The following MAN1A1 variants were observed in gnomAD, a reference collection of about 807,000 sequenced individuals.
MAN1A1 encodes mannosyl-oligosaccharide 1,2-alpha-mannosidase IA.
Under a neutral mutation model 70.8 loss-of-function variants are expected in MAN1A1, and 29 were observed. The observed-to-expected ratio is 0.41, with a 90% confidence interval of 0.31 to 0.56. The LOEUF (loss-of-function observed/expected upper bound fraction) is 0.56. Ranked by LOEUF, MAN1A1 falls within the 20% of genes least tolerant of loss-of-function variation. MAN1A1 has a pLI of 0.29. For synonymous variants in MAN1A1, 349 were observed against 330.1 expected (o/e 1.06, Z -0.62); for missense variants, 747 against 841.3 (o/e 0.89, Z 1.39).
chr6:119,195,370 C>A (rs1773541083), intron 8 of MAN1A1, among the ~76,000 whole-genome samples: 1 of 152,174 alleles, frequency 6.6e-6, no homozygotes, highest in South Asian at 2.1e-4. Flanking sequence ...TCATCTCAGG[C>A]AGGGCTTCTA....
chr6:119,314,230 A>G (rs906995014), intron 2 of MAN1A1, among the ~76,000 whole-genome samples: 2 of 152,226 alleles, frequency 1.3e-5, no homozygotes, highest in Non-Finnish European at 2.9e-5. Flanking sequence ...CAAATTAGCA[A>G]AAGTCTTTGA....
At chr6:119,341,507 G>T (rs972022185) in intron 2 of MAN1A1, among the ~76,000 whole-genome samples, 5 of 152,158 alleles carry the variant, frequency 3.3e-5, no homozygotes, top group Non-Finnish European at 5.9e-5. Flanking sequence ...ATCTCAGGAA[G>T]TCACAGCTCA....
chr6:119,249,797 T>G (rs1056600895), intron 5 of MAN1A1, among the ~76,000 whole-genome samples: 1 of 152,146 alleles, frequency 6.6e-6, no homozygotes, highest in African/African-American at 2.4e-5. Context: ...CCCTATCTTT[T>G]GGAATCTTAA....
In MAN1A1 at chr6:119,336,877, C is replaced by G. The variant is rs375971909; in HGVS notation, c.603+11586G>C. ...TTGAAATACAAGAAAAATGGCAACCCTTATTAAATACTGTCCAGTATTCTA... is the reference window on the plus strand; with the variant it reads ...TTGAAATACAAGAAAAATGGCAACCGTTATTAAATACTGTCCAGTATTCTA... On this transcript the variant is annotated intron_variant, in intron 2 of 12. Coordinates refer to ENST00000368468, the MANE Select transcript of MAN1A1 (RefSeq NM_005907.4). Among the ~76,000 whole-genome samples, 29 of 152,150 alleles carry G rather than the reference C, an allele frequency of 1.9e-4. No homozygotes were observed. In the East Asian group the frequency reaches 5.2e-3, roughly 27 times the overall value.
chr6:119,193,662 T>A, intron 9 of MAN1A1, 115 bp downstream of exon 9: 1 of 595,850 alleles, frequency 1.7e-6, no homozygotes, highest in Admixed American at 3.3e-5. Flanking sequence ...CTCTACCTAA[T>A]TGGAAATACT....
intron 6 of MAN1A1, among the ~76,000 whole-genome samples, chr6:119,218,946 G>A (rs1427733088): frequency 6.6e-6 from 1 of 152,152 alleles, no homozygotes; most frequent in African/African-American, 2.4e-5. Context: ...TATTAGAAAT[G>A]CTTTGATCTT....
chr6:119,278,943 TGCA>T (rs142753790), intron 5 of MAN1A1, among the ~76,000 whole-genome samples: 2,227 of 152,234 alleles, frequency 0.015, 35 homozygotes, highest in African/African-American at 0.037. Flanking sequence ...TTATACAGAC[TGCA>T]GAACCGTGAG....
At chr6:119,181,697 CTTTCT>C (rs1449221001) in intron 11 of MAN1A1, among the ~76,000 whole-genome samples, 3 of 152,032 alleles carry the variant, frequency 2.0e-5, no homozygotes, top group East Asian at 1.9e-4. Flanking sequence ...AGCCCACTTT[CTTTCT>C]TTTGTTTGTT....
At chr6:119,343,623 G>A (rs957851124) in intron 2 of MAN1A1, among the ~76,000 whole-genome samples, 1 of 152,142 alleles carries the variant, frequency 6.6e-6, no homozygotes, top group Non-Finnish European at 1.5e-5. Flanking sequence ...AGAATACTGA[G>A]GGAAAAGTCA....
intron 6 of MAN1A1, among the ~76,000 whole-genome samples, chr6:119,235,366 T>C (rs1774813054): frequency 2.0e-5 from 3 of 152,340 alleles, no homozygotes; most frequent in South Asian, 4.2e-4. Context: ...AACAGCCTTA[T>C]GGCTATATGG....
Position 119,180,598 on chromosome 6 carries a change from T to C in MAN1A1, c.1720-171A>G, listed in dbSNP as rs76696381. On this transcript the variant is annotated intron_variant, in intron 11 of 12. Transcript: ENST00000368468. ...CACCATCATGGGTCACTGCAGCTTC[T>C]ACCTCTTGGGCTCAGGTGATTCTCC... is the stretch of plus-strand genomic sequence containing the variant. 2.4e-3 allele frequency among the ~76,000 whole-genome samples: 360 copies of C among 152,122 alleles called. 1 individual carries two copies. The highest frequency in any genetic ancestry group is 3.1e-3 in the Non-Finnish European group (213 of 67,974).
At chr6:119,239,931 C>G (rs1774957316) in intron 6 of MAN1A1, among the ~76,000 whole-genome samples, 2 of 152,292 alleles carry the variant, frequency 1.3e-5, no homozygotes, top group South Asian at 4.1e-4. Flanking sequence ...ACAGAGTGAA[C>G]AAAGCTGAAT....
chr6:119,271,951 T>C (rs1321722523), intron 5 of MAN1A1, among the ~76,000 whole-genome samples: 2 of 152,172 alleles, frequency 1.3e-5, no homozygotes, highest in Non-Finnish European at 2.9e-5. Flanking sequence ...ATCCTATTAC[T>C]GGAAGGAGAA....
At chr6:119,269,576 G>A (rs1775858352) in intron 5 of MAN1A1, 1 of 189,966 alleles carries the variant, frequency 5.3e-6, no homozygotes. Flanking sequence ...CTGTTTCTGT[G>A]GAAAGTGCCA....
At chr6:119,293,346 T>C (rs925724734) in intron 4 of MAN1A1, among the ~76,000 whole-genome samples, 24 of 152,116 alleles carry the variant, frequency 1.6e-4, no homozygotes, top group African/African-American at 5.8e-4. Context: ...TCTTGTACTG[T>C]ACGATATTGA....
chr6:119,209,268 C>G (rs972914473), intron 6 of MAN1A1, among the ~76,000 whole-genome samples: 38 of 152,066 alleles, frequency 2.5e-4, no homozygotes, highest in African/African-American at 9.2e-4. Context: ...GTTATAAAGT[C>G]TTGATTAGCT....
At chr6:119,308,559 T>C (rs145395233) in intron 2 of MAN1A1, among the ~76,000 whole-genome samples, 27 of 152,300 alleles carry the variant, frequency 1.8e-4, no homozygotes, top group Admixed American at 3.3e-4. Context: ...AAGGAATACA[T>C]GATCGTGGTA....
chr6:119,184,251 C>T (rs1471697798), intron 11 of MAN1A1, among the ~76,000 whole-genome samples: 1 of 152,082 alleles, frequency 6.6e-6, no homozygotes, highest in Non-Finnish European at 1.5e-5. Context: ...GGCATGGGGA[C>T]CACCTTGGTT....
At chr6:119,315,996 G>A (rs947589) in intron 2 of MAN1A1, among the ~76,000 whole-genome samples, 14 of 152,146 alleles carry the variant, frequency 9.2e-5, no homozygotes, top group Non-Finnish European at 1.2e-4. Context: ...TAGATTAGCT[G>A]TGCTAAGACC....
Sources: gnomAD v4.1 joint callset for allele counts (sites outside exome capture counted in the v4.1 genomes callset) on GRCh38, gnomAD v4.1.1 for gene constraint, MANE v1.5 for transcripts, NCBI Gene and HGNC (gene_info 2026-07-23, HGNC 2026-07-21) for gene names.